USP54: variants seen among roughly 807,000 people sequenced by gnomAD.
The protein encoded by USP54 is ubiquitin specific peptidase 54, also known as ubiquitin carboxyl-terminal hydrolase 54.
A neutral mutation model predicts 170.5 loss-of-function variants in USP54; 87 were observed. The ratio of observed to expected loss-of-function variants is 0.51; its 90% CI spans 0.43 to 0.61. The LOEUF (loss-of-function observed/expected upper bound fraction) is 0.61, where lower values mean the gene tolerates loss of function less well. USP54 is among the 20% of genes least tolerant of loss of function. The pLI, the probability that USP54 is intolerant of heterozygous loss-of-function variation, is 0.00. For missense variants in USP54, 1,786 were observed against 2,047.8 expected (o/e 0.87, Z 2.47); for synonymous variants, 655 against 742.8 (o/e 0.88, Z 1.92).
In USP54 at chr10:73,517,247, G is replaced by T; in HGVS notation, c.3179C>A (p.Ser1060Ter). The change falls in exon 20 of 24, where the codon TCA becomes TAA. Residue 1060 changes from serine (S) to a stop codon, truncating the protein, a stop_gained. Coordinates refer to ENST00000687698, the MANE Select transcript of USP54 (RefSeq NM_001391956.1). LOFTEE classifies it high-confidence loss of function. The stretch of plus-strand genomic sequence containing the variant: ...CAGGGGAAGGCTGGGCTGAGCTGAT[G>T]AATTTGAAGGACTACAGCCTAGGCT... ...EHSLGCSPSN[S>*]SAQPSLPLYR... The T allele has an allele frequency of 6.2e-7, 1 of 1,614,198 alleles. No homozygotes were observed. Among genetic ancestry groups the T allele is most frequent in the Non-Finnish European group, 8.5e-7 (1 of 1,180,016 alleles).
Position 73,575,505 on chromosome 10 carries a change from C to T in USP54, c.147+7G>A. The T allele has an allele frequency of 3.1e-6, 5 of 1,591,048 alleles. No homozygotes were observed. The highest frequency in any genetic ancestry group is 4.3e-6 in the Non-Finnish European group (5 of 1,172,270). ...AAGTTCACCAAAAATAAAGAAATGA[C>T]CCTTACCTGCAGGGCACTGTTGAGG... is the stretch of plus-strand genomic sequence containing the variant. On this transcript the variant is annotated splice_region_variant and intron_variant, in intron 3 of 23. Coordinates refer to ENST00000687698, the MANE Select transcript of USP54 (RefSeq NM_001391956.1).
Position 73,498,873 on chromosome 10 carries a change from TAC to T in USP54, c.4809_4810del (p.Tyr1604ProfsTer4), listed in dbSNP as rs778652520. ...TACATGAAGACTGCTAGATGGTGGGTACACAGGATGAACAATGGGAGGGTGGG... is the reference window on the plus strand; with the variant it reads ...TACATGAAGACTGCTAGATGGTGGGTACAGGATGAACAATGGGAGGGTGGG... On this transcript the variant is annotated frameshift_variant, in exon 24 of 24. Transcript: ENST00000687698. LOFTEE classifies it high-confidence loss of function. The T allele has an allele frequency of 1.0e-6, 1 of 1,004,264 alleles. No homozygotes were observed. The highest frequency in any genetic ancestry group is 1.5e-6 in the Non-Finnish European group (1 of 665,232). The allele number at this position is 1,004,264 out of a possible 1,614,324, so 62.2% of individuals were successfully genotyped here.
chr10:73,595,437 G>A (rs527534585), upstream of USP54, among the ~76,000 whole-genome samples: 42 of 152,272 alleles, frequency 2.8e-4, 1 homozygote, highest in South Asian at 8.1e-3. Flanking sequence ...AAAGGGTAGA[G>A]GGAAGAGAAA....
At chr10:73,539,321 T>A in intron 10 of USP54, 123 bp downstream of exon 10, 5 of 395,474 alleles carry the variant, frequency 1.3e-5, no homozygotes, top group Non-Finnish European at 1.5e-5. Flanking sequence ...TATATATATA[T>A]ATGTTTTATA....
chr10:73,592,206 T>C (rs1286472049), upstream of USP54, among the ~76,000 whole-genome samples: 2 of 152,092 alleles, frequency 1.3e-5, no homozygotes, highest in Admixed American at 1.3e-4. Context: ...TACCTGAGGT[T>C]ATAAAACAGT....
intron 4 of USP54, among the ~76,000 whole-genome samples, chr10:73,546,362 T>C (rs1240101118): frequency 1.3e-5 from 2 of 152,212 alleles, no homozygotes; most frequent in Admixed American, 1.3e-4. Context: ...TTCTTGTTGT[T>C]GTTTTTTTGA....
At chr10:73,553,721 T>G (rs1485771554) in intron 4 of USP54, among the ~76,000 whole-genome samples, 1 of 152,146 alleles carries the variant, frequency 6.6e-6, no homozygotes, top group Non-Finnish European at 1.5e-5. Context: ...TCCCTGATGG[T>G]TCCATTTCAA....
chr10:73,602,417 G>A (rs1589381255), intron 1 of USP54, among the ~76,000 whole-genome samples: 2 of 152,166 alleles, frequency 1.3e-5, no homozygotes, highest in East Asian at 3.9e-4. Context: ...GCCGGGCGTG[G>A]TGGCGGGCAT....
At chr10:73,556,042 C>T (rs544866982) in intron 4 of USP54, among the ~76,000 whole-genome samples, 37 of 152,128 alleles carry the variant, frequency 2.4e-4, no homozygotes, top group African/African-American at 8.9e-4. Context: ...ATCAAAGGAC[C>T]ATATAAATAT....
intron 4 of USP54, among the ~76,000 whole-genome samples, chr10:73,551,566 A>T (rs1286999375): frequency 6.6e-6 from 1 of 152,230 alleles, no homozygotes; most frequent in Non-Finnish European, 1.5e-5. Flanking sequence ...GGGAAAAAGC[A>T]GTGACTGCTT....
chr10:73,622,872 G>A (rs2132368494), intron 1 of USP54, among the ~76,000 whole-genome samples: 1 of 151,710 alleles, frequency 6.6e-6, no homozygotes. Context: ...AAACCCAGGA[G>A]ACTGAGGCTG....
At chr10:73,546,335 T>C (rs2067805271) in intron 4 of USP54, among the ~76,000 whole-genome samples, 1 of 152,200 alleles carries the variant, frequency 6.6e-6, no homozygotes, top group African/African-American at 2.4e-5. Context: ...TGTGGGTTTT[T>C]TGTTTTTTTG....
intron 1 of USP54, among the ~76,000 whole-genome samples, chr10:73,599,364 T>C (rs7070882): frequency 0.02 from 3,023 of 152,330 alleles, 42 homozygotes; most frequent in Middle Eastern, 0.061. Context: ...ACAGAAGTAA[T>C]TTGTTATGAT....
Position 73,517,514 on chromosome 10 carries a change from C to T in USP54, c.2912G>A (p.Arg971Lys). Residue 971 changes from arginine to lysine, a missense_variant, in exon 20 of 24, where the codon AGG (arginine) becomes AAG (lysine). This residue lies in a region of USP54 where 1,418 missense variants were observed against 1,569.0 expected (regional missense o/e 0.90). Transcript: ENST00000687698. ...VDNIEPSAFH[R>K]QGLPKAPGWT... is the part of the protein sequence containing the mutation. Reference sequence around the variant, plus strand: ...CCCTGGTGCTTTAGGTAAACCTTGCCTGTGGAATGCAGAGGGTTCAATGTT... The same window carrying T: ...CCCTGGTGCTTTAGGTAAACCTTGCTTGTGGAATGCAGAGGGTTCAATGTT... The T allele has an allele frequency of 6.2e-7, 1 of 1,614,188 alleles. No individual in the cohort carries two copies. Among genetic ancestry groups the T allele is most frequent in the Non-Finnish European group, 8.5e-7 (1 of 1,180,036 alleles).
At chr10:73,624,260 C>T (rs1340138951) in intron 1 of USP54, among the ~76,000 whole-genome samples, 2 of 137,326 alleles carry the variant, frequency 1.5e-5, no homozygotes, top group African/African-American at 5.5e-5. Context: ...TGCAATGGTG[C>T]GATCTCGGCT....
At chr10:73,604,902 G>C (rs2079495658) in intron 1 of USP54, among the ~76,000 whole-genome samples, 1 of 152,158 alleles carries the variant, frequency 6.6e-6, no homozygotes, top group South Asian at 2.1e-4. Flanking sequence ...TGTGGAAGGT[G>C]ACCCAAGCGG....
intron 1 of USP54, among the ~76,000 whole-genome samples, chr10:73,590,346 C>G (rs1423398197): frequency 6.6e-6 from 1 of 152,166 alleles, no homozygotes; most frequent in African/African-American, 2.4e-5. Context: ...AGTGCCTCAA[C>G]TGAACAGCAA....
intron 4 of USP54, among the ~76,000 whole-genome samples, chr10:73,550,926 G>T (rs927136974): frequency 6.6e-6 from 1 of 152,104 alleles, no homozygotes; most frequent in African/African-American, 2.4e-5. Flanking sequence ...CTAACAAGGT[G>T]AAACCCCGTC....
chr10:73,580,247 A>G (rs2076708788), intron 1 of USP54, among the ~76,000 whole-genome samples: 1 of 149,690 alleles, frequency 6.7e-6, no homozygotes, highest in African/African-American at 2.5e-5. Context: ...TGAAACCAGG[A>G]GGTGGACATT....
Sources: gnomAD v4.1 joint callset for allele counts (sites outside exome capture counted in the v4.1 genomes callset) on GRCh38, gnomAD v4.1.1 for gene constraint, gnomAD v4.1.1 regional missense constraint, MANE v1.5 for transcripts, NCBI Gene and HGNC (gene_info 2026-07-23, HGNC 2026-07-21) for gene names.